The following LTK variants were observed in gnomAD, a reference collection of about 807,000 sequenced individuals.
LTK encodes the protein leukocyte receptor tyrosine kinase, also known as leukocyte tyrosine kinase receptor.
Under a neutral mutation model 101.5 loss-of-function variants are expected in LTK, and 117 were observed. The observed-to-expected ratio is 1.15, with a 90% CI of 0.99 to 1.34. The LOEUF is 1.34. LTK is among the 40% of genes most tolerant of loss of function. The pLI is 0.00. For missense variants in LTK, 1,252 were observed against 1,164.7 expected, an observed-to-expected ratio of 1.07 and a Z score of -1.09; for synonymous variants, 563 against 494.2, an observed-to-expected ratio of 1.14 and a Z score of -1.85.
At chr15:41,506,817 C>T (rs751892724) in intron 11 of LTK, among the ~76,000 whole-genome samples, 104 of 151,974 alleles carry the variant, frequency 6.8e-4, no homozygotes, top group Non-Finnish European at 1.2e-3. Flanking sequence ...CTCGAACTCC[C>T]GACCTCAGGT....
Position 41,504,492 on chromosome 15 carries a change from A to G in LTK, c.2255+14T>C, listed in dbSNP as rs370850699. ...TTGTGAAGGACCTCCCTTCCCGGGC[A>G]GCACTCAACTCACACAGGCCCTGGG... On this transcript the variant is annotated intron_variant, in intron 18 of 19. Coordinates refer to ENST00000263800, the MANE Select transcript of LTK (RefSeq NM_002344.6). 50 of 1,613,154 alleles carry G rather than the reference A, an allele frequency of 3.1e-5. No homozygotes were observed. Among genetic ancestry groups the G allele is most frequent in the Non-Finnish European group, 4.1e-5 (48 of 1,179,524 alleles).
intron 9 of LTK, 69 bp from the exon 10 acceptor site, chr15:41,507,726 C>G (rs115129446): frequency 6.8e-7 from 1 of 1,467,220 alleles, no homozygotes; most frequent in South Asian, 1.3e-5. Context: ...GTTTTACCCA[C>G]GCTTCAAGAC....
At position 41,512,101 on chromosome 15, in the gene LTK, C is replaced by T. The variant is rs1392281226; in HGVS notation, c.510+14G>A. On this transcript the variant is annotated intron_variant, in intron 4 of 19. Transcript: ENST00000263800. ...CGGCGCCGGCGCCGCCCCATCCCCA[C>T]TGGCTGCGCTCACTCCGGGACAGGC... 1.3e-6 allele frequency: 2 copies of T among 1,585,800 alleles called. No individual in the cohort carries two copies. Among genetic ancestry groups the T allele is most frequent in the Admixed American group, 3.6e-5 (2 of 55,530 alleles).
intron 13 of LTK, 22 bp from the exon 14 acceptor site, chr15:41,505,552 T>C (rs747993845): frequency 6.8e-6 from 11 of 1,613,266 alleles, no homozygotes; most frequent in East Asian, 4.5e-5. Flanking sequence ...GGGGGACATA[T>C]CCCGTTACCA....
At position 41,504,140 on chromosome 15, in the gene LTK, G is replaced by A. The variant is rs747173207; in HGVS notation, c.2451C>T (p.Pro817=). 6.2e-7 allele frequency: 1 copy of A among 1,614,056 alleles called. No homozygotes were observed. The highest frequency in any genetic ancestry group is 8.5e-7 in the Non-Finnish European group (1 of 1,180,002). The change falls in exon 20 of 20, where the codon CCC becomes CCT. Residue 817 remains proline (P), a synonymous_variant. Transcript: ENST00000263800. ...LGNRSLECLR[P]PQPQELSPEK... ...CTGGACTCAGTTCCTGGGGCTGTGG[G>A]GGTCTTAGGCACTCCAAAGATCTGT...
intron 3 of LTK, 54 bp downstream of exon 3, chr15:41,512,653 G>A: frequency 6.8e-7 from 1 of 1,480,586 alleles, no homozygotes; most frequent in African/African-American, 1.4e-5. Context: ...TACCCTGAGG[G>A]TGAAACCTCC....
chr15:41,508,016 C>T (rs1365451800), intron 9 of LTK, 53 bp downstream of exon 9: 1 of 1,527,520 alleles, frequency 6.5e-7, no homozygotes, highest in African/African-American at 1.4e-5. Flanking sequence ...GCCTACTGCT[C>T]CTCCCAGTCT....
At chr15:41,504,480 C>A (rs377465225) in intron 18 of LTK, 26 bp downstream of exon 18, 59 of 1,613,590 alleles carry the variant, frequency 3.7e-5, no homozygotes, top group Non-Finnish European at 4.7e-5. Context: ...TGAAGGACCT[C>A]CCTTCCCGGG....
At position 41,512,737 on chromosome 15, in the gene LTK, AG is replaced by A. The variant is rs746927414; in HGVS notation, c.328del (p.Leu110CysfsTer11). 1.2e-6 allele frequency: 2 copies of A among 1,606,228 alleles called. No homozygotes were observed. Among genetic ancestry groups the A allele is most frequent in the East Asian group, 4.5e-5 (2 of 44,810 alleles). On this transcript the variant is annotated frameshift_variant, in exon 3 of 20. Coordinates refer to ENST00000263800, the MANE Select transcript of LTK (RefSeq NM_002344.6). LOFTEE classifies it high-confidence loss of function. ...CTGGCCAGGGCCCGGCACGCGCCACAGCTGCACGCCTCTCAGCTGCCCGGCG... is the reference window on the plus strand; with the variant it reads ...CTGGCCAGGGCCCGGCACGCGCCACACTGCACGCCTCTCAGCTGCCCGGCG... ...GAAGQLRGVQ[L>X]WRVPGPGQYL...
Position 41,508,221 on chromosome 15 carries a change from A to T in LTK, c.1097T>A (p.Val366Asp). The T allele has an allele frequency of 6.2e-7, 1 of 1,609,248 alleles. No individual in the cohort carries two copies. Among genetic ancestry groups the T allele is most frequent in the Non-Finnish European group, 8.5e-7 (1 of 1,177,964 alleles). ...CTCTACCTCTCCGTGGTTCTCGGTG[A>T]CTGTGAGTAAAAGAACTGATATGAT... is the stretch of plus-strand genomic sequence containing the variant. The part of the protein sequence containing the change: ...SSELFLQPLA[V>D]TENHGEVEIR... The change falls in exon 9 of 20, where the codon GTC (valine) becomes GAC (aspartate). Residue 366 changes from valine to aspartate, a missense_variant and splice_region_variant. By Grantham distance (152) the Val-to-Asp change is radical. Transcript: ENST00000263800.
At position 41,505,832 on chromosome 15, in the gene LTK, G is replaced by A. The variant is rs563097485; in HGVS notation, c.1633-55C>T. ...CTGCCCTGCACGCTTCAGGAGAGGG[G>A]GTTAACCCTAGCTCTAGTCATTGTC... On this transcript the variant is annotated intron_variant, in intron 12 of 19. Transcript: ENST00000263800. The A allele has an allele frequency of 3.1e-6, 5 of 1,603,502 alleles. No individual in the cohort carries two copies. The Admixed American group carries it at 8.4e-5, about 27-fold the overall frequency.
chr15:41,504,729 G>T, intron 17 of LTK, 44 bp downstream of exon 17: 6 of 1,540,530 alleles, frequency 3.9e-6, no homozygotes, highest in Non-Finnish European at 5.4e-6. Context: ...ATTAGCCTCA[G>T]GGGAGGGGAA....
chr15:41,509,077 T>C lies in LTK; in HGVS notation c.1050A>G (p.Val350=). Residue 350 remains valine (V), a synonymous_variant, in exon 8 of 20, where the codon GTA becomes GTG. Coordinates refer to ENST00000263800, the MANE Select transcript of LTK (RefSeq NM_002344.6). ...DNLWADGEDG[V]SFIHPSSELF... ...GCTCGCTGCTGGGGTGTATGAAGGATACTCCATCTTCCCCATCAGCCCAGA... is the reference window on the plus strand; with the variant it reads ...GCTCGCTGCTGGGGTGTATGAAGGACACTCCATCTTCCCCATCAGCCCAGA... 1.2e-6 allele frequency: 2 copies of C among 1,613,838 alleles called. No homozygotes were observed. The highest frequency in any genetic ancestry group is 1.7e-6 in the Non-Finnish European group (2 of 1,179,914).
At chr15:41,513,632 G>C (rs771359391) in intron 1 of LTK, 35 bp downstream of exon 1, 2 of 1,608,578 alleles carry the variant, frequency 1.2e-6, no homozygotes, top group African/African-American at 1.3e-5. Flanking sequence ...AGTGCCTCAG[G>C]CTGGACGGTC....
At position 41,504,757 on chromosome 15, in the gene LTK, G is replaced by C; in HGVS notation, c.2120+16C>G. 1.2e-6 allele frequency: 2 copies of C among 1,607,484 alleles called. No individual in the cohort carries two copies. The highest frequency in any genetic ancestry group is 1.7e-6 in the Non-Finnish European group (2 of 1,176,866). On this transcript the variant is annotated intron_variant, in intron 17 of 19. Coordinates refer to ENST00000263800, the MANE Select transcript of LTK (RefSeq NM_002344.6). The stretch of plus-strand genomic sequence containing the variant: ...GAGGGGAACAGTGGGGAAGGGGAGG[G>C]GAAGGGTGTTATCACCAGGAATCTG...
At position 41,504,755 on chromosome 15, in the gene LTK, G is replaced by C. The variant is rs771109740; in HGVS notation, c.2120+18C>G. ...GGGAGGGGAACAGTGGGGAAGGGGA[G>C]GGGAAGGGTGTTATCACCAGGAATC... is the stretch of plus-strand genomic sequence containing the variant. On this transcript the variant is annotated intron_variant, in intron 17 of 19. Coordinates refer to ENST00000263800, the MANE Select transcript of LTK (RefSeq NM_002344.6). 3 of 1,606,634 alleles carry C rather than the reference G, an allele frequency of 1.9e-6. No individual in the cohort carries two copies. Among genetic ancestry groups the C allele is most frequent in the East Asian group, 2.2e-5 (1 of 44,840 alleles).
chr15:41,503,866 G>A lies in LTK; in HGVS notation c.*130C>T. The A allele has an allele frequency of 2.6e-6, 3 of 1,140,434 alleles. No individual in the cohort carries two copies. Among genetic ancestry groups the A allele is most frequent in the South Asian group, 3.2e-5 (2 of 62,112 alleles). The allele number at this position is 1,140,434 out of a possible 1,614,324, so 70.6% of individuals were successfully genotyped here. A position where few individuals can be genotyped will look rare whatever the true frequency, so the allele number is the denominator to read the frequency against. On this transcript the variant is annotated 3_prime_UTR_variant, in exon 20 of 20. Transcript: ENST00000263800. ...TGCAGCGCTGCCAGGCCAGCCCCGA[G>A]ACAGGCCCAGACACACAGCACAGAC...
rs1209358486 is a variant in LTK, at chr15:41,511,268, T to C, written c.893A>G (p.Gln298Arg). Residue 298 changes from glutamine to arginine, a missense_variant, in exon 7 of 20, where the codon CAG (glutamine) becomes CGG (arginine). Transcript: ENST00000263800. The surrounding 1 kb of genome is among the most constrained non-coding windows in gnomAD (Gnocchi z 5.9). Reference sequence around the variant, plus strand: ...GGTCGCCCAAGCCTCGGAGCAGCCCTGGCCGCCCTCCGCCCCCTCCTGCAG... The same window carrying C: ...GGTCGCCCAAGCCTCGGAGCAGCCCCGGCCGCCCTCCGCCCCCTCCTGCAG... Reference protein sequence around the residue: ...RSLQEGAEGGQGCSEAWATLG... With the variant: ...RSLQEGAEGGRGCSEAWATLG... 7.0e-7 allele frequency: 1 copy of C among 1,422,072 alleles called. No homozygotes were observed. Among genetic ancestry groups the C allele is most frequent in the Non-Finnish European group, 9.2e-7 (1 of 1,092,752 alleles). The allele number at this position is 1,422,072 out of a possible 1,614,324, so 88.1% of individuals were successfully genotyped here.
intron 3 of LTK, 143 bp from the exon 4 acceptor site, chr15:41,512,408 G>A: frequency 3.1e-6 from 3 of 977,480 alleles, no homozygotes; most frequent in Non-Finnish European, 4.5e-6. Context: ...GGATGGGAAG[G>A]GTAGGTTTGC....
Sources: gnomAD v4.1 joint callset for allele counts (sites outside exome capture counted in the v4.1 genomes callset) on GRCh38, gnomAD v4.1.1 for gene constraint, Gnocchi (gnomAD v3.1) non-coding constraint, MANE v1.5 for transcripts, NCBI Gene and HGNC (gene_info 2026-07-23, HGNC 2026-07-21) for gene names.